STK32B: variants seen among roughly 807,000 people sequenced by gnomAD.
STK32B encodes serine/threonine kinase 32B.
STK32B carries 43 observed loss-of-function variants against 52.6 expected under a neutral mutation model. That is an observed-to-expected ratio of 0.82 (90% CI 0.64 to 1.05). The LOEUF is 1.05. STK32B is among the 50% of genes least tolerant of loss of function. The pLI is 0.00. For synonymous variants in STK32B, 238 were observed against 204.3 expected (o/e 1.17, Z -1.41); for missense variants, 621 against 534.6 (o/e 1.16, Z -1.59).
chr4:5,240,539 AACCTCC>A (rs1724951988), intron 3 of STK32B, among the ~76,000 whole-genome samples: 2 of 152,096 alleles, frequency 1.3e-5, no homozygotes, highest in Non-Finnish European at 2.9e-5. Flanking sequence ...TGCTCACTGC[AACCTCC>A]GCCTCCCGGG....
intron 4 of STK32B, among the ~76,000 whole-genome samples, chr4:5,354,960 G>A (rs1475488396): frequency 6.6e-6 from 1 of 152,158 alleles, no homozygotes; most frequent in African/African-American, 2.4e-5. Context: ...ATGATTTCAT[G>A]AGCCAAGAAA....
chr4:5,265,603 A>T (rs181689582), intron 3 of STK32B, among the ~76,000 whole-genome samples: 328 of 152,332 alleles, frequency 2.2e-3, no homozygotes, highest in African/African-American at 7.3e-3. Context: ...GAACAGCAAG[A>T]TGTTTCTAAA....
At chr4:5,062,520 T>G (rs11727217) in intron 1 of STK32B, among the ~76,000 whole-genome samples, 3,697 of 152,282 alleles carry the variant, frequency 0.024, 75 homozygotes, top group Admixed American at 0.063. Context: ...TGTTGTTGTT[T>G]TTTTGAGACG....
chr4:5,068,860 G>A (rs1196718879), intron 1 of STK32B, among the ~76,000 whole-genome samples: 2 of 152,128 alleles, frequency 1.3e-5, no homozygotes, highest in Non-Finnish European at 2.9e-5. Context: ...GTAGTGAGAT[G>A]TTTTTCATTA....
At position 5,492,236 on chromosome 4, in the gene STK32B, G is replaced by A. The variant is rs541401015; in HGVS notation, c.1107-6709G>A. The stretch of plus-strand genomic sequence containing the variant: ...GCATGGAATGTTCTTCCATTTCTTT[G>A]TATCCTCTTTTATTTCATTGAGCAG... On this transcript the variant is annotated intron_variant, in intron 11 of 11. Transcript: ENST00000282908. Among the ~76,000 whole-genome samples, 620 of 152,166 alleles carry A rather than the reference G, an allele frequency of 4.1e-3. 2 individuals are homozygous for A. Among genetic ancestry groups the A allele is most frequent in the Middle Eastern group, 0.01 (3 of 294 alleles).
chr4:5,450,979 G>C (rs999416001), intron 7 of STK32B, among the ~76,000 whole-genome samples: 4 of 152,142 alleles, frequency 2.6e-5, no homozygotes, highest in Admixed American at 2.0e-4. Flanking sequence ...TGTGCTTCTT[G>C]GTGTTGTGAT....
chr4:5,199,896 G>T (rs1358810906), intron 3 of STK32B, among the ~76,000 whole-genome samples: 1 of 152,084 alleles, frequency 6.6e-6, no homozygotes, highest in Non-Finnish European at 1.5e-5. Context: ...CTTTTCCTGG[G>T]GAACTAGAAT....
At chr4:5,025,933 C>G in the STK32B span, among the ~76,000 whole-genome samples, 1 of 152,220 alleles carries the variant, frequency 6.6e-6, no homozygotes, top group African/African-American at 2.4e-5. Context: ...GTACGCTTGT[C>G]TCTTTCTCTA....
intron 1 of STK32B, among the ~76,000 whole-genome samples, chr4:5,098,504 T>C (rs924785478): frequency 1.3e-5 from 2 of 152,206 alleles, no homozygotes; most frequent in African/African-American, 4.8e-5. Context: ...TGCTAAGCAT[T>C]TGAAATAAAT....
chr4:5,061,788 C>G (rs951182395), intron 1 of STK32B, among the ~76,000 whole-genome samples: 1 of 152,142 alleles, frequency 6.6e-6, no homozygotes, highest in Non-Finnish European at 1.5e-5. Flanking sequence ...GCCTCCTCCT[C>G]TTTGGTAGTT....
intron 3 of STK32B, among the ~76,000 whole-genome samples, chr4:5,284,710 C>T (rs1728435551): frequency 6.6e-6 from 1 of 152,138 alleles, no homozygotes. Context: ...ATGCAGTGAG[C>T]CCAAGTGTTG....
rs2654498 is a variant in STK32B, at chr4:5,399,599, G to A, written c.472+1355G>A. 0.72 allele frequency among the ~76,000 whole-genome samples: 109,746 copies of A among 152,002 alleles called. 39,929 individuals are homozygous for A. The highest frequency in any genetic ancestry group is 0.86 in the Middle Eastern group (254 of 294). ...TCCAAATCAAGGCTGGAAAGGAAGC[G>A]AAAGCAACGTCTCCAGTTTGTATCT... On this transcript the variant is annotated intron_variant, in intron 5 of 11. Transcript: ENST00000282908. The surrounding 1 kb of genome is among the most constrained non-coding windows in gnomAD (Gnocchi z 5.4).
intron 11 of STK32B, among the ~76,000 whole-genome samples, chr4:5,473,720 C>T (rs897331465): frequency 6.6e-6 from 1 of 152,214 alleles, no homozygotes; most frequent in Non-Finnish European, 1.5e-5. Flanking sequence ...CACAATGCAT[C>T]CTCCTTACCC....
At chr4:5,291,975 C>T (rs1728921436) in intron 3 of STK32B, among the ~76,000 whole-genome samples, 1 of 152,020 alleles carries the variant, frequency 6.6e-6, no homozygotes, top group South Asian at 2.1e-4. Context: ...AACCTAGTAC[C>T]CAATAAGTAG....
intron 7 of STK32B, among the ~76,000 whole-genome samples, chr4:5,451,735 A>G (rs954670328): frequency 3.3e-5 from 5 of 152,194 alleles, no homozygotes; most frequent in African/African-American, 1.2e-4. Flanking sequence ...AGATGCCAGC[A>G]GAACTCCCCA....
intron 4 of STK32B, among the ~76,000 whole-genome samples, chr4:5,343,060 A>G (rs923351474): frequency 1.1e-4 from 17 of 151,668 alleles, no homozygotes; most frequent in East Asian, 1.9e-4. Flanking sequence ...TTAACTTGTC[A>G]TTTAACGTTA....
chr4:5,136,877 T>A (rs4689990), intron 1 of STK32B, among the ~76,000 whole-genome samples: 4 of 151,934 alleles, frequency 2.6e-5, no homozygotes, highest in Non-Finnish European at 5.9e-5. Flanking sequence ...GGCCGTGTGC[T>A]CAAAGTCATC....
intron 7 of STK32B, among the ~76,000 whole-genome samples, chr4:5,447,863 C>T (rs1449430735): frequency 6.6e-6 from 1 of 152,208 alleles, no homozygotes; most frequent in Non-Finnish European, 1.5e-5. Flanking sequence ...CTCCATAGCA[C>T]CAGTGCCCAG....
At chr4:5,243,634 A>AG (rs1232468885) in intron 3 of STK32B, among the ~76,000 whole-genome samples, 2 of 152,144 alleles carry the variant, frequency 1.3e-5, no homozygotes, top group African/African-American at 4.8e-5. Flanking sequence ...GAGTGGTGAG[A>AG]GAGGGTATCC....
Sources: gnomAD v4.1 joint callset for allele counts (sites outside exome capture counted in the v4.1 genomes callset) on GRCh38, gnomAD v4.1.1 for gene constraint, Gnocchi (gnomAD v3.1) non-coding constraint, MANE v1.5 for transcripts, NCBI Gene and HGNC (gene_info 2026-07-23, HGNC 2026-07-21) for gene names.